PMFBP1: variants seen among roughly 807,000 people sequenced by gnomAD.
PMFBP1 encodes the protein polyamine modulated factor 1 binding protein 1.
In PMFBP1, 131 loss-of-function variants were observed where a neutral mutation model predicts 137.8. That is an observed-to-expected ratio of 0.95 (90% confidence interval 0.82 to 1.10). The LOEUF (loss-of-function observed/expected upper bound fraction) is 1.10. Among genes scored for constraint, PMFBP1 ranks in the 50% least tolerant of loss-of-function variants. The pLI is 0.00. For missense variants in PMFBP1, 1,199 were observed against 1,175.4 expected (o/e 1.02, Z -0.29); for synonymous variants, 490 against 450.4 (o/e 1.09, Z -1.11).
intron 2 of PMFBP1, among the ~76,000 whole-genome samples, chr16:72,170,336 T>C (rs1311810768): frequency 1.3e-5 from 2 of 151,996 alleles, no homozygotes; most frequent in Admixed American, 6.6e-5. Context: ...AGGAGGTCTG[T>C]TAAAAAGCAT....
At chr16:72,248,051 T>C in the PMFBP1 span, among the ~76,000 whole-genome samples, 6 of 152,170 alleles carry the variant, frequency 3.9e-5, no homozygotes, top group Admixed American at 2.6e-4. Context: ...TTGTAACACA[T>C]GGTCTTATAA....
the PMFBP1 span, among the ~76,000 whole-genome samples, chr16:72,239,426 C>T: frequency 7.6e-4 from 115 of 152,266 alleles, no homozygotes; most frequent in Non-Finnish European, 1.4e-3. Flanking sequence ...AAATTCTCTG[C>T]GATGCTAAAT....
the PMFBP1 span, among the ~76,000 whole-genome samples, chr16:72,184,536 C>T: frequency 1.3e-5 from 2 of 152,122 alleles, no homozygotes; most frequent in Admixed American, 1.3e-4. Context: ...GCATAACAGC[C>T]CTATGGGTAC....
At chr16:72,203,829 C>T in the PMFBP1 span, among the ~76,000 whole-genome samples, 146 of 152,274 alleles carry the variant, frequency 9.6e-4, no homozygotes, top group Non-Finnish European at 1.5e-3. Context: ...GACTTCCTTA[C>T]GACTGACCCT....
chr16:72,220,366 G>A, the PMFBP1 span, among the ~76,000 whole-genome samples: 1 of 152,186 alleles, frequency 6.6e-6, no homozygotes, highest in Non-Finnish European at 1.5e-5. Context: ...ATGCTTGAAG[G>A]AAGTATGTTA....
At chr16:72,235,209 T>C in the PMFBP1 span, among the ~76,000 whole-genome samples, 1 of 152,170 alleles carries the variant, frequency 6.6e-6, no homozygotes, top group African/African-American at 2.4e-5. Flanking sequence ...GAGTTAATTT[T>C]TGTGTATGGT....
the PMFBP1 span, among the ~76,000 whole-genome samples, chr16:72,226,892 C>T: frequency 4.6e-5 from 7 of 152,060 alleles, no homozygotes; most frequent in East Asian, 3.9e-4. Context: ...AAGGTTTTAG[C>T]GAAGATGAGA....
At chr16:72,211,391 T>A in the PMFBP1 span, among the ~76,000 whole-genome samples, 8 of 152,172 alleles carry the variant, frequency 5.3e-5, no homozygotes, top group Non-Finnish European at 1.2e-4. Flanking sequence ...AACTTCCCCA[T>A]ACAAACATTC....
chr16:72,140,544 T>A lies in PMFBP1; in HGVS notation c.675A>T (p.Ile225=). 1 of 1,613,858 alleles carries A rather than the reference T, an allele frequency of 6.2e-7. No individual in the cohort carries two copies. Among genetic ancestry groups the A allele is most frequent in the African/African-American group, 1.3e-5 (1 of 75,044 alleles). The part of the protein sequence containing the change: ...ENKGDHSKVR[I]YTSPCMIQEH... ...CTTGAATCATGCAAGGAGAAGTGTA[T>A]ATCCGTACCTTTGAATGATCACCCT... The change falls in exon 6 of 21, where the codon ATA becomes ATT. Residue 225 remains isoleucine, a synonymous_variant. Transcript: ENST00000237353.
the PMFBP1 span, among the ~76,000 whole-genome samples, chr16:72,245,562 AAC>A: frequency 6.6e-6 from 1 of 152,184 alleles, no homozygotes; most frequent in Admixed American, 6.5e-5. Flanking sequence ...TGGTCCTGAA[AAC>A]ACAGACCCTA....
upstream of PMFBP1, among the ~76,000 whole-genome samples, chr16:72,181,289 A>C (rs1037847756): frequency 4.0e-5 from 6 of 151,866 alleles, no homozygotes; most frequent in African/African-American, 1.4e-4. Context: ...AATACTCGAT[A>C]AGGATTATGG....
chr16:72,143,467 G>T (rs777169947), intron 5 of PMFBP1, among the ~76,000 whole-genome samples: 1 of 152,240 alleles, frequency 6.6e-6, no homozygotes, highest in Non-Finnish European at 1.5e-5. Flanking sequence ...ATTAGGCCGG[G>T]CGTGGTGGCT....
chr16:72,246,985 A>G, the PMFBP1 span, among the ~76,000 whole-genome samples: 1 of 152,194 alleles, frequency 6.6e-6, no homozygotes, highest in Non-Finnish European at 1.5e-5. Flanking sequence ...TGTTTTCACA[A>G]GCAAAATGCT....
chr16:72,174,629 C>T (rs2043250478), upstream of PMFBP1, among the ~76,000 whole-genome samples: 1 of 152,252 alleles, frequency 6.6e-6, no homozygotes, highest in Admixed American at 6.5e-5. Context: ...TTAATTGACT[C>T]ATAGTTCTGC....
chr16:72,243,895 C>A, the PMFBP1 span, among the ~76,000 whole-genome samples: 223 of 152,300 alleles, frequency 1.5e-3, no homozygotes, highest in African/African-American at 4.8e-3. Flanking sequence ...AGGGACTGAC[C>A]TGCACGAGAG....
chr16:72,241,212 A>G, the PMFBP1 span, among the ~76,000 whole-genome samples: 2 of 152,184 alleles, frequency 1.3e-5, no homozygotes, highest in East Asian at 3.9e-4. Flanking sequence ...TGAAACAGCC[A>G]TGAAAACCCT....
At chr16:72,150,885 G>C (rs940546378) in intron 4 of PMFBP1, 56 bp from the exon 5 acceptor site, 2 of 1,465,120 alleles carry the variant, frequency 1.4e-6, no homozygotes, top group African/African-American at 1.4e-5. Flanking sequence ...AATGAGGAAA[G>C]GATGCGGTTG....
the PMFBP1 span, among the ~76,000 whole-genome samples, chr16:72,215,438 A>T: frequency 5.9e-5 from 9 of 152,182 alleles, no homozygotes; most frequent in Non-Finnish European, 1.0e-4. Flanking sequence ...TGGTCAGGAT[A>T]ATCATATCAG....
the PMFBP1 span, among the ~76,000 whole-genome samples, chr16:72,195,952 ATCTC>A: frequency 6.9e-4 from 103 of 149,078 alleles, no homozygotes; most frequent in African/African-American, 2.3e-3. Context: ...AGTGTGTTAA[ATCTC>A]TCTCTCTCTC....
Sources: gnomAD v4.1 joint callset for allele counts (sites outside exome capture counted in the v4.1 genomes callset) on GRCh38, gnomAD v4.1.1 for gene constraint, MANE v1.5 for transcripts, NCBI Gene and HGNC (gene_info 2026-07-23, HGNC 2026-07-21) for gene names.